HS6ST2: variants seen among roughly 807,000 people sequenced by gnomAD.
The protein encoded by HS6ST2 is heparan-sulfate 6-O-sulfotransferase 2.
In HS6ST2, 17 loss-of-function variants were observed where a neutral mutation model predicts 33.0. The observed-to-expected ratio is 0.52, with a 90% CI of 0.35 to 0.77. The LOEUF is 0.77. HS6ST2 is among the 30% of genes least tolerant of loss of function. The pLI is 0.01. For synonymous variants in HS6ST2, 248 were observed against 237.1 expected, an observed-to-expected ratio of 1.05 and a Z score of -0.42; for missense variants, 519 against 551.7, an observed-to-expected ratio of 0.94 and a Z score of 0.59.
intron 2 of HS6ST2, among the ~76,000 whole-genome samples, chrX:132,943,760 C>T (rs1374496869): frequency 9.0e-6 from 1 of 111,676 alleles, no homozygotes; most frequent in African/African-American, 3.3e-5. Context: ...ACAAAAACCA[C>T]ATGATTATCT....
intron 2 of HS6ST2, among the ~76,000 whole-genome samples, chrX:132,803,354 T>C (rs185575374): frequency 5.1e-4 from 57 of 111,706 alleles, no homozygotes; most frequent in African/African-American, 1.8e-3. Context: ...AAGGGCCCTA[T>C]AGAAGTTGAC....
intron 2 of HS6ST2, among the ~76,000 whole-genome samples, chrX:132,730,912 A>T (rs1035189968): frequency 8.9e-6 from 1 of 111,791 alleles, no homozygotes; most frequent in Admixed American, 9.4e-5. Context: ...AGCCATTGAA[A>T]CACACAGACC....
chrX:132,930,693 A>C (rs1448715909), intron 2 of HS6ST2, among the ~76,000 whole-genome samples: 2 of 111,336 alleles, frequency 1.8e-5, no homozygotes, highest in Non-Finnish European at 3.8e-5. Flanking sequence ...AAAGACACCC[A>C]AGGGCTTGGC....
In HS6ST2 at chrX:132,672,259, A is replaced by G. The variant is rs993372577; in HGVS notation, c.981-3060T>C. ...CCAGGGATTTACAAGAATAAATCCA[A>G]CCTGTTTCAAAGACACATAGATATA... On this transcript the variant is annotated intron_variant, in intron 3 of 4. Transcript: ENST00000370833. Among the ~76,000 whole-genome samples, 5 of 105,294 alleles carry G rather than the reference A, an allele frequency of 4.7e-5. No individual in the cohort carries two copies. In the East Asian group the frequency reaches 1.5e-3, roughly 32 times the overall value. 91.4% of individuals were successfully genotyped at this position (105,294 alleles called of 115,157 possible).
At chrX:132,711,988 C>T (rs1394101288) in intron 2 of HS6ST2, among the ~76,000 whole-genome samples, 2 of 111,762 alleles carry the variant, frequency 1.8e-5, no homozygotes, top group African/African-American at 3.3e-5. Flanking sequence ...CACACACTTC[C>T]ATATAACAGC....
intron 2 of HS6ST2, among the ~76,000 whole-genome samples, chrX:132,849,442 T>C (rs2065781879): frequency 8.9e-6 from 1 of 111,952 alleles, no homozygotes; most frequent in Non-Finnish European, 1.9e-5. Flanking sequence ...CTATGTTAGA[T>C]CACAGGGGTT....
intron 2 of HS6ST2, among the ~76,000 whole-genome samples, chrX:132,810,289 C>T (rs2065328774): frequency 9.2e-6 from 1 of 108,622 alleles, no homozygotes; most frequent in Non-Finnish European, 1.9e-5. Context: ...GCCTGTAGTT[C>T]CAGCTATTTG....
intron 2 of HS6ST2, among the ~76,000 whole-genome samples, chrX:132,867,549 G>A (rs1309714532): frequency 8.9e-6 from 1 of 111,895 alleles, no homozygotes; most frequent in East Asian, 2.8e-4. Flanking sequence ...AGTTTCAGAA[G>A]GAATGGTACC....
chrX:132,670,347 GCCATGCAC>G (rs1319273634), intron 3 of HS6ST2, among the ~76,000 whole-genome samples: 1 of 111,634 alleles, frequency 9.0e-6, no homozygotes, highest in Non-Finnish European at 1.9e-5. Context: ...AAGATATTCT[GCCATGCAC>G]CCATCAGCTT....
chrX:132,758,461 G>T (rs1461406498), intron 2 of HS6ST2: 1 of 111,754 alleles, frequency 8.9e-6, no homozygotes, highest in East Asian at 2.8e-4. Flanking sequence ...TCAAAGCAAG[G>T]TTTGTCCAAT....
At chrX:132,663,862 G>T (rs750674130) in intron 4 of HS6ST2, among the ~76,000 whole-genome samples, 3 of 111,867 alleles carry the variant, frequency 2.7e-5, no homozygotes, top group Non-Finnish European at 3.8e-5. Context: ...AAAATACATG[G>T]GTCTCAATTA....
chrX:132,840,399 C>T (rs1341848700), intron 2 of HS6ST2, among the ~76,000 whole-genome samples: 1 of 110,282 alleles, frequency 9.1e-6, no homozygotes, highest in African/African-American at 3.3e-5. Context: ...TCCCCACTCT[C>T]CCTTTCTCTT....
chrX:132,777,560 A>G (rs2064974648), intron 2 of HS6ST2, among the ~76,000 whole-genome samples: 1 of 106,997 alleles, frequency 9.3e-6, no homozygotes, highest in Non-Finnish European at 1.9e-5. Context: ...CCTCCCGAGT[A>G]GCTGAGATTA....
At chrX:132,711,085 G>T (rs189897463) in intron 2 of HS6ST2, among the ~76,000 whole-genome samples, 1 of 111,912 alleles carries the variant, frequency 8.9e-6, no homozygotes, top group East Asian at 2.8e-4. Flanking sequence ...GGTTCCAGAA[G>T]ATGTGACTAA....
At chrX:132,920,080 G>C (rs768215740) in intron 2 of HS6ST2, among the ~76,000 whole-genome samples, 1 of 111,612 alleles carries the variant, frequency 9.0e-6, no homozygotes, top group African/African-American at 3.3e-5. Context: ...CCAGCAGTGG[G>C]AGGTAGACGG....
At chrX:132,798,458 C>T (rs999997706) in intron 2 of HS6ST2, among the ~76,000 whole-genome samples, 1 of 111,362 alleles carries the variant, frequency 9.0e-6, no homozygotes, top group Admixed American at 9.6e-5. Flanking sequence ...TGATTTTTAG[C>T]ATGTTACTTT....
At chrX:132,807,410 A>G (rs1244703246) in intron 2 of HS6ST2, among the ~76,000 whole-genome samples, 1 of 106,590 alleles carries the variant, frequency 9.4e-6, no homozygotes, top group Non-Finnish European at 2.0e-5. Flanking sequence ...TAGCTAAACT[A>G]AGATAAATCA....
At chrX:132,821,982 C>A (rs756206955) in intron 2 of HS6ST2, among the ~76,000 whole-genome samples, 2 of 103,227 alleles carry the variant, frequency 1.9e-5, no homozygotes, top group East Asian at 2.9e-4. Context: ...CAGAGCCAGA[C>A]CCCATCTCAA....
chrX:132,958,370 A>G lies in HS6ST2; in HGVS notation c.233T>C (p.Leu78Pro), dbSNP rs781271959. The change falls in exon 1 of 5, where the codon CTG becomes CCG. Residue 78 changes from leucine to proline, a missense_variant. Leu to Pro is a moderately conservative substitution (Grantham distance 98). Transcript: ENST00000370833. Reference sequence around the variant, plus strand: ...AAGCGGGGCGCACGCGGCTCCCGCCAGGGAAGAAGACGCCTTTCGGGGCTT... The same window carrying G: ...AAGCGGGGCGCACGCGGCTCCCGCCGGGGAAGAAGACGCCTTTCGGGGCTT... ...LDKPRKASSS[L>P]AGAACAPLFA... 1.7e-6 allele frequency: 2 copies of G among 1,199,308 alleles called. No homozygotes were observed. Among genetic ancestry groups the G allele is most frequent in the South Asian group, 1.8e-5 (1 of 56,485 alleles).
Sources: gnomAD v4.1 joint callset for allele counts (sites outside exome capture counted in the v4.1 genomes callset) on GRCh38, gnomAD v4.1.1 for gene constraint, MANE v1.5 for transcripts, NCBI Gene and HGNC (gene_info 2026-07-23, HGNC 2026-07-21) for gene names.